Variants in PHLPP1 observed in about 807,000 individuals in gnomAD.
PHLPP1 encodes the protein PH domain and leucine rich repeat protein phosphatase 1, also known as PH domain leucine-rich repeat-containing protein phosphatase 1.
PHLPP1 carries 42 observed loss-of-function variants against 117.2 expected under a neutral mutation model. The ratio of observed to expected loss-of-function variants is 0.36; its 90% CI spans 0.28 to 0.46. The LOEUF is 0.46. PHLPP1 is among the 20% of genes least tolerant of loss of function. The pLI is 1.00. For missense variants in PHLPP1, 2,084 were observed against 2,241.9 expected (o/e 0.93, Z 1.42); for synonymous variants, 1,042 against 970.7 (o/e 1.07, Z -1.37).
intron 1 of PHLPP1, among the ~76,000 whole-genome samples, chr18:62,729,411 A>G (rs1026784036): frequency 6.6e-6 from 1 of 152,200 alleles, no homozygotes; most frequent in Non-Finnish European, 1.5e-5. Flanking sequence ...AAAATACTAA[A>G]TGAAGCTGGG....
intron 15 of PHLPP1, 123 bp downstream of exon 15, chr18:62,972,831 G>T: frequency 1.4e-6 from 1 of 724,920 alleles, no homozygotes; most frequent in South Asian, 1.9e-5. Flanking sequence ...TGAGTACCAA[G>T]ATGCATTCAG....
chr18:62,952,514 A>G (rs1246686827), intron 12 of PHLPP1, among the ~76,000 whole-genome samples: 1 of 152,310 alleles, frequency 6.6e-6, no homozygotes, highest in East Asian at 1.9e-4. Context: ...TCATGGAGAC[A>G]CTGTATGTAA....
At chr18:62,965,452 C>CTTTTTTT (rs34187461) in intron 14 of PHLPP1, among the ~76,000 whole-genome samples, 44 of 76,116 alleles carry the variant, frequency 5.8e-4, no homozygotes, top group East Asian at 1.3e-3. Context: ...TAATCAGCCT[C>CTTTTTTT]TTTTTTTTTT....
chr18:62,790,275 A>G (rs950447449), intron 1 of PHLPP1, among the ~76,000 whole-genome samples: 6 of 152,234 alleles, frequency 3.9e-5, no homozygotes, highest in Non-Finnish European at 7.3e-5. Flanking sequence ...CAGAATTTCA[A>G]TAAAACACGT....
intron 1 of PHLPP1, chr18:62,826,255 A>G (rs180778042): frequency 1.1e-3 from 466 of 432,210 alleles, no homozygotes; most frequent in Non-Finnish European, 1.8e-3. Flanking sequence ...GGAGATGACA[A>G]TTAAAATCCT....
intron 14 of PHLPP1, among the ~76,000 whole-genome samples, chr18:62,968,267 T>C (rs1326089260): frequency 1.3e-5 from 2 of 152,216 alleles, no homozygotes; most frequent in Non-Finnish European, 2.9e-5. Context: ...CCTCATAGAA[T>C]GAGTTGGGAA....
chr18:62,755,250 G>A (rs1045380397), intron 1 of PHLPP1, among the ~76,000 whole-genome samples: 2 of 151,898 alleles, frequency 1.3e-5, no homozygotes, highest in African/African-American at 4.9e-5. Context: ...TAGCCCGGAC[G>A]TCCAAAACCT....
At chr18:62,829,945 C>A in intron 1 of PHLPP1, 90 bp from the exon 2 acceptor site, 1 of 814,078 alleles carries the variant, frequency 1.2e-6, no homozygotes, top group Non-Finnish European at 1.9e-6. Flanking sequence ...GAATTATTCC[C>A]TTGTTGTCCA....
intron 1 of PHLPP1, among the ~76,000 whole-genome samples, chr18:62,789,858 A>T (rs954619967): frequency 4.6e-5 from 7 of 152,218 alleles, no homozygotes; most frequent in African/African-American, 1.7e-4. Context: ...GAAAGTAAAC[A>T]TATAAACCTT....
rs769894337 is a variant in PHLPP1 at position 62,920,127 on chromosome 18, G to A, written c.2960+13G>A. The A allele has an allele frequency of 5.6e-6, 9 of 1,611,268 alleles. No homozygotes were observed. The East Asian group carries it at 2.0e-4, about 36-fold the overall frequency. ...TGAAGGCTGACAGGTAAAGCCATTT[G>A]TCTTGTTTATCATCTGAGTCTATAA... On this transcript the variant is annotated intron_variant, in intron 10 of 16. Transcript: ENST00000262719.
rs1268674941 is a variant in PHLPP1 at position 62,907,470 on chromosome 18, T to C, written c.2708+2186T>C. 1.2e-3 allele frequency among the ~76,000 whole-genome samples: 90 copies of C among 76,956 alleles called. No homozygotes were observed. The South Asian group carries it at 0.014, about 12-fold the overall frequency. 50.5% of individuals were successfully genotyped at this position (76,956 alleles called of 152,430 possible). A position where few individuals can be genotyped will look rare whatever the true frequency, so the allele number is the denominator to read the frequency against. The stretch of plus-strand genomic sequence containing the variant: ...ACAGAGAAGTGCTTAAAGGAGCTGA[T>C]GGAGCTGAAAACCAAGGCTCGAGAA... On this transcript the variant is annotated intron_variant, in intron 8 of 16. Transcript: ENST00000262719.
intron 6 of PHLPP1, among the ~76,000 whole-genome samples, chr18:62,897,363 A>ATTTAAATAATTAAAT: frequency 1.3e-5 from 2 of 152,354 alleles, no homozygotes; most frequent in South Asian, 4.1e-4. Flanking sequence ...ATATTTAAAT[A>ATTTAAATAATTAAAT]CCAGAATAGA....
At chr18:62,794,413 G>T (rs1188540373) in intron 1 of PHLPP1, among the ~76,000 whole-genome samples, 1 of 150,762 alleles carries the variant, frequency 6.6e-6, no homozygotes, top group Non-Finnish European at 1.5e-5. Flanking sequence ...TGTCAACCAT[G>T]CTGAGTGCAG....
At chr18:62,837,643 A>G (rs565495811) in intron 2 of PHLPP1, 2 of 150,208 alleles carry the variant, frequency 1.3e-5, no homozygotes, top group Non-Finnish European at 1.5e-5. Context: ...GATTTATTCA[A>G]TTTGGAGGTT....
rs1485952070 is a variant in PHLPP1 at position 62,765,008 on chromosome 18, GTA to G, written c.1576+47751_1576+47752del. On this transcript the variant is annotated intron_variant, in intron 1 of 16. Transcript: ENST00000262719. Reference sequence around the variant, plus strand: ...TCTCCCACTTGTCTTTTAAATGCATGTATTTCTCAAGGATCTCTTCATCTAAA... The same window carrying G: ...TCTCCCACTTGTCTTTTAAATGCATGTTTCTCAAGGATCTCTTCATCTAAA... Among the ~76,000 whole-genome samples the G allele has an allele frequency of 2.0e-5, 3 of 152,290 alleles. No individual in the cohort carries two copies. In the East Asian group the frequency reaches 5.8e-4, roughly 29 times the overall value.
chr18:62,803,934 A>G (rs1913858107), intron 1 of PHLPP1, among the ~76,000 whole-genome samples: 1 of 152,074 alleles, frequency 6.6e-6, no homozygotes, highest in Non-Finnish European at 1.5e-5. Context: ...TTTCCCTGAA[A>G]CTAAGATTTT....
At chr18:62,827,110 A>G (rs1320358615) in intron 1 of PHLPP1, among the ~76,000 whole-genome samples, 1 of 152,216 alleles carries the variant, frequency 6.6e-6, no homozygotes, top group East Asian at 1.9e-4. Flanking sequence ...ATAGACTAGT[A>G]TAGATCACCT....
intron 10 of PHLPP1, among the ~76,000 whole-genome samples, chr18:62,927,025 G>A (rs1672317691): frequency 6.6e-6 from 1 of 152,116 alleles, no homozygotes. Flanking sequence ...CTAAGTTTAG[G>A]TATAAGTAAG....
At chr18:62,927,826 T>C (rs1204087298) in intron 10 of PHLPP1, among the ~76,000 whole-genome samples, 3 of 152,000 alleles carry the variant, frequency 2.0e-5, no homozygotes, top group African/African-American at 7.3e-5. Flanking sequence ...TTCAAGGAAT[T>C]TTTTCAACAA....
Sources: allele counts gnomAD v4.1 joint callset (sites outside exome capture counted in the v4.1 genomes callset), GRCh38; gene constraint gnomAD v4.1.1; transcripts MANE v1.5; gene names NCBI Gene and HGNC (gene_info 2026-07-23, HGNC 2026-07-21).